The following LSAMP variants were observed in gnomAD, a reference collection of about 807,000 sequenced individuals.
LSAMP encodes the protein limbic system-associated membrane protein.
A neutral mutation model predicts 38.6 loss-of-function variants in LSAMP; 7 were observed. The ratio of observed to expected loss-of-function variants is 0.18; its 90% CI spans 0.10 to 0.34. The LOEUF is 0.34. LSAMP is among the 10% of genes least tolerant of loss of function. The probability of loss-of-function intolerance (pLI) is 1.00; values close to 1 mark genes in which losing one functional copy is unlikely to be tolerated. For missense variants in LSAMP, 313 were observed against 420.0 expected, an observed-to-expected ratio of 0.75 and a Z score of 2.23; for synonymous variants, 154 against 166.8, an observed-to-expected ratio of 0.92 and a Z score of 0.59.
chr3:115,861,359 C>T (rs922020320), intron 3 of LSAMP, among the ~76,000 whole-genome samples: 6 of 151,984 alleles, frequency 3.9e-5, no homozygotes, highest in African/African-American at 1.2e-4. Context: ...TTTTGATGAG[C>T]CTTCCTGTGA....
At chr3:116,131,981 C>T (rs1301054327) in intron 1 of LSAMP, among the ~76,000 whole-genome samples, 2 of 151,962 alleles carry the variant, frequency 1.3e-5, no homozygotes, top group Non-Finnish European at 2.9e-5. Flanking sequence ...GTGCACACTA[C>T]CACGCCCAGC....
chr3:116,209,989 C>T lies in LSAMP; in HGVS notation c.156-123433G>A, dbSNP rs576283896. On this transcript the variant is annotated intron_variant, in intron 1 of 6. Coordinates refer to ENST00000490035, the MANE Select transcript of LSAMP (RefSeq NM_002338.5). ...CAGGATGGTCTCCATCTCTTGACTT[C>T]GTGATCCGCCCACCTCGGCCTCGCA... Among the ~76,000 whole-genome samples, 185 of 152,228 alleles carry T rather than the reference C, an allele frequency of 1.2e-3. 1 individual carries two copies. In the South Asian group the frequency reaches 0.014, roughly 12 times the overall value.
At chr3:116,306,555 A>G (rs1215372357) in intron 1 of LSAMP, among the ~76,000 whole-genome samples, 1 of 152,028 alleles carries the variant, frequency 6.6e-6, no homozygotes, top group African/African-American at 2.4e-5. Context: ...TAAAAAGTTA[A>G]TGAAGGGTTC....
intron 3 of LSAMP, among the ~76,000 whole-genome samples, chr3:115,856,679 C>T (rs1470065783): frequency 1.3e-5 from 2 of 151,718 alleles, no homozygotes; most frequent in African/African-American, 4.8e-5. Context: ...TCTTCTGCCA[C>T]GTAAGGACAC....
intron 3 of LSAMP, among the ~76,000 whole-genome samples, chr3:115,945,343 A>G (rs939437908): frequency 6.6e-6 from 1 of 152,142 alleles, no homozygotes; most frequent in African/African-American, 2.4e-5. Flanking sequence ...CAGAGCTTGG[A>G]CTAAGGACTT....
In LSAMP at chr3:116,222,720, C is replaced by CTTTTTTTTTTT. The variant is rs71141863; in HGVS notation, c.156-136175_156-136165dup. On this transcript the variant is annotated intron_variant, in intron 1 of 6. Transcript: ENST00000490035. ...TTTTTTGCTCACCTTTCATCCTCTCCTTTTTTTTTTTTTTTTTTTTTTTTT... is the reference window on the plus strand; with the variant it reads ...TTTTTTGCTCACCTTTCATCCTCTCCTTTTTTTTTTTTTTTTTTTTTTTTTTTTTTTTTTTT... Among the ~76,000 whole-genome samples, 13 of 49,942 alleles carry CTTTTTTTTTTT rather than the reference C, an allele frequency of 2.6e-4. 5 individuals carry two copies. The highest frequency in any genetic ancestry group is 5.2e-4 in the African/African-American group (6 of 11,542). The allele number at this position is 49,942 out of a possible 152,430, so 32.8% of individuals were successfully genotyped here.
At chr3:115,918,173 T>A (rs1428916193) in intron 3 of LSAMP, among the ~76,000 whole-genome samples, 1 of 152,180 alleles carries the variant, frequency 6.6e-6, no homozygotes, top group Non-Finnish European at 1.5e-5. Flanking sequence ...TCCAGTGCCA[T>A]TAAGACCCTG....
chr3:116,359,872 A>G (rs2048281743), intron 1 of LSAMP, among the ~76,000 whole-genome samples: 1 of 152,336 alleles, frequency 6.6e-6, no homozygotes, highest in Non-Finnish European at 1.5e-5. Flanking sequence ...AACTATAAAA[A>G]TCCTATAAGA....
intron 2 of LSAMP, among the ~76,000 whole-genome samples, chr3:116,062,045 C>A (rs1225430543): frequency 2.6e-5 from 4 of 152,152 alleles, no homozygotes; most frequent in Non-Finnish European, 5.9e-5. Context: ...TCCAATCTAT[C>A]TGTGGTGTTT....
chr3:116,375,298 G>A (rs967064716), intron 1 of LSAMP, among the ~76,000 whole-genome samples: 1 of 151,676 alleles, frequency 6.6e-6, no homozygotes, highest in Non-Finnish European at 1.5e-5. Flanking sequence ...ATTGGAAAAA[G>A]AAAACAAACT....
chr3:115,914,926 T>C (rs1049144240), intron 3 of LSAMP, among the ~76,000 whole-genome samples: 3 of 152,220 alleles, frequency 2.0e-5, no homozygotes, highest in African/African-American at 7.2e-5. Flanking sequence ...AAAAGGTCTG[T>C]ATCCTGGGTT....
At chr3:116,330,508 G>C (rs1408004009) in intron 1 of LSAMP, among the ~76,000 whole-genome samples, 3 of 152,040 alleles carry the variant, frequency 2.0e-5, no homozygotes, top group African/African-American at 7.2e-5. Context: ...CACCTCCTGT[G>C]ACTGAAGAGA....
chr3:115,809,314 G>A lies in LSAMP; in HGVS notation c.*1003C>T, dbSNP rs1933730427. ...CTGATGATGGGACTAGGAGGAATATGGGGTCCTGCCCTTGGAAGGAGCATA... is the reference window on the plus strand; with the variant it reads ...CTGATGATGGGACTAGGAGGAATATAGGGTCCTGCCCTTGGAAGGAGCATA... On this transcript the variant is annotated 3_prime_UTR_variant, in exon 7 of 7. Transcript: ENST00000490035. 1 of 152,172 alleles carries A rather than the reference G, an allele frequency of 6.6e-6. No individual in the cohort carries two copies. The highest frequency in any genetic ancestry group is 6.5e-5 in the Admixed American group (1 of 15,280). The allele number at this position is 152,172 out of a possible 1,614,324, so 9.4% of individuals were successfully genotyped here.
At chr3:116,222,732 T>A (rs1371648588) in intron 1 of LSAMP, among the ~76,000 whole-genome samples, 2 of 31,048 alleles carry the variant, frequency 6.4e-5, no homozygotes, top group Non-Finnish European at 2.1e-4. Flanking sequence ...TTTTTTTTTT[T>A]TTTTTTTTTT....
chr3:116,271,433 A>G (rs1270412350), intron 1 of LSAMP, among the ~76,000 whole-genome samples: 1 of 152,014 alleles, frequency 6.6e-6, no homozygotes, highest in Non-Finnish European at 1.5e-5. Flanking sequence ...GATGAGAGAA[A>G]TAACACTCCA....
chr3:115,912,461 T>C (rs753499686), intron 3 of LSAMP, among the ~76,000 whole-genome samples: 4 of 152,178 alleles, frequency 2.6e-5, no homozygotes, highest in Non-Finnish European at 4.4e-5. Context: ...AGCCAGACTC[T>C]CCATGTGGAC....
chr3:116,009,924 G>A (rs1441186183), intron 3 of LSAMP, among the ~76,000 whole-genome samples: 2 of 152,042 alleles, frequency 1.3e-5, no homozygotes, highest in African/African-American at 2.4e-5. Context: ...TTGTTTTGTT[G>A]TTGTTGTTTT....
chr3:115,934,508 T>C (rs1559887135), intron 3 of LSAMP, among the ~76,000 whole-genome samples: 1 of 152,154 alleles, frequency 6.6e-6, no homozygotes. Context: ...AAAAGTGTTA[T>C]GGGGCTGAAG....
intron 1 of LSAMP, among the ~76,000 whole-genome samples, chr3:116,326,232 G>T (rs115652194): frequency 0.026 from 3,919 of 151,780 alleles, 158 homozygotes; most frequent in African/African-American, 0.086. Flanking sequence ...ATGCTATTTT[G>T]TATCCTTGAG....
Sources: gnomAD v4.1 joint callset for allele counts (sites outside exome capture counted in the v4.1 genomes callset) on GRCh38, gnomAD v4.1.1 for gene constraint, MANE v1.5 for transcripts, NCBI Gene and HGNC (gene_info 2026-07-23, HGNC 2026-07-21) for gene names.